The following LINGO2 variants were observed in gnomAD, a reference collection of about 807,000 sequenced individuals.
The protein encoded by LINGO2 is leucine-rich repeat and immunoglobulin-like domain-containing nogo receptor-interacting protein 2.
A neutral mutation model predicts 30.6 loss-of-function variants in LINGO2; 14 were observed. The ratio of observed to expected loss-of-function variants is 0.46; its 90% confidence interval spans 0.30 to 0.72. The LOEUF (loss-of-function observed/expected upper bound fraction) is 0.72, where lower values mean the gene tolerates loss of function less well. Among genes scored for constraint, LINGO2 ranks in the 30% least tolerant of loss-of-function variants. The pLI is 0.07. For synonymous variants in LINGO2, 317 were observed against 288.5 expected (o/e 1.10, Z -1.00); for missense variants, 729 against 751.7 (o/e 0.97, Z 0.35).
chr9:27,954,970 G>A (rs1197163704), intron 5 of LINGO2, among the ~76,000 whole-genome samples: 1 of 152,112 alleles, frequency 6.6e-6, no homozygotes, highest in East Asian at 1.9e-4. Context: ...ATCTCTCAAT[G>A]TGGTTTTGAT....
chr9:28,190,679 A>G (rs1327781360), intron 4 of LINGO2, among the ~76,000 whole-genome samples: 1 of 152,104 alleles, frequency 6.6e-6, no homozygotes, highest in African/African-American at 2.4e-5. Context: ...TTAAATTTCT[A>G]TTGTTTATAA....
chr9:28,440,297 A>C (rs1317977171), intron 2 of LINGO2, among the ~76,000 whole-genome samples: 1 of 152,210 alleles, frequency 6.6e-6, no homozygotes, highest in African/African-American at 2.4e-5. Flanking sequence ...AATATTTCAT[A>C]AGTCAAATGT....
intron 2 of LINGO2, among the ~76,000 whole-genome samples, chr9:28,469,694 C>A (rs1825445913): frequency 6.6e-6 from 1 of 152,008 alleles, no homozygotes; most frequent in African/African-American, 2.4e-5. Flanking sequence ...AGAAAAAAAC[C>A]TGTCAATCTA....
In LINGO2 at chr9:28,329,413, T is replaced by A. The variant is rs1825340969; in HGVS notation, c.-245-34047A>T. ...GGCTTAACTTGAGGGCTTGGGCTAA[T>A]AAGGTAGGGGCACACACCACGCTGT... On this transcript the variant is annotated intron_variant, in intron 3 of 5. Transcript: ENST00000379992. The surrounding 1 kb of genome is among the most constrained non-coding windows in gnomAD (Gnocchi z 4.5). 6.6e-6 allele frequency among the ~76,000 whole-genome samples: 1 copy of A among 152,130 alleles called. No individual in the cohort carries two copies. The highest frequency in any genetic ancestry group is 2.4e-5 in the African/African-American group (1 of 41,432).
At chr9:27,975,304 G>T (rs1292109926) in intron 5 of LINGO2, among the ~76,000 whole-genome samples, 1 of 151,756 alleles carries the variant, frequency 6.6e-6, no homozygotes, top group East Asian at 1.9e-4. Context: ...CTTTTTAAAA[G>T]TCCCTACTAT....
At chr9:28,707,949 C>T in the LINGO2 span, among the ~76,000 whole-genome samples, 1 of 152,052 alleles carries the variant, frequency 6.6e-6, no homozygotes, top group East Asian at 1.9e-4. Flanking sequence ...AGTGAAATTA[C>T]ACTGAACTCA....
At chr9:28,587,933 C>A (rs1485103269) in intron 1 of LINGO2, among the ~76,000 whole-genome samples, 3 of 151,962 alleles carry the variant, frequency 2.0e-5, no homozygotes, top group Non-Finnish European at 1.5e-5. Context: ...GTCCTGTGGA[C>A]ACCGAGTTGG....
chr9:28,341,094 C>G (rs1438637984), intron 3 of LINGO2, among the ~76,000 whole-genome samples: 1 of 151,920 alleles, frequency 6.6e-6, no homozygotes, highest in Non-Finnish European at 1.5e-5. Context: ...GTTTAATGAA[C>G]AAAGAAAGTT....
intron 2 of LINGO2, among the ~76,000 whole-genome samples, chr9:28,427,211 T>C (rs1543672): frequency 0.13 from 19,299 of 151,990 alleles, 1,427 homozygotes; most frequent in East Asian, 0.24. Context: ...CAAGAAGACA[T>C]AGTCTAGAGG....
intron 4 of LINGO2, among the ~76,000 whole-genome samples, chr9:28,157,766 G>T (rs1828175017): frequency 1.3e-5 from 2 of 152,124 alleles, no homozygotes; most frequent in Non-Finnish European, 2.9e-5. Context: ...TCAAGTTCAA[G>T]TTCCACAACT....
chr9:28,396,814 C>A (rs1016751732), intron 2 of LINGO2, among the ~76,000 whole-genome samples: 1 of 151,308 alleles, frequency 6.6e-6, no homozygotes, highest in Non-Finnish European at 1.5e-5. Context: ...GAGAAACTAC[C>A]TTGAGGTTTT....
chr9:29,131,020 C>T, the LINGO2 span, among the ~76,000 whole-genome samples: 4 of 152,116 alleles, frequency 2.6e-5, no homozygotes, highest in African/African-American at 9.7e-5. Flanking sequence ...TAATGCCTAC[C>T]AACTTTCCTT....
the LINGO2 span, among the ~76,000 whole-genome samples, chr9:28,756,561 G>T: frequency 0.015 from 2,204 of 151,922 alleles, 74 homozygotes; most frequent in African/African-American, 0.05. Flanking sequence ...ATATTGTTTG[G>T]CTCGGTGTCC....
At chr9:29,089,108 T>A in the LINGO2 span, among the ~76,000 whole-genome samples, 2 of 151,992 alleles carry the variant, frequency 1.3e-5, no homozygotes, top group African/African-American at 4.8e-5. Context: ...TCAAAAGTAT[T>A]CATAAAGCAA....
chr9:29,167,631 A>T, the LINGO2 span, among the ~76,000 whole-genome samples: 2 of 152,144 alleles, frequency 1.3e-5, no homozygotes, highest in Non-Finnish European at 2.9e-5. Flanking sequence ...AAACAAAACA[A>T]AAACCTGTCA....
chr9:28,848,094 C>A, the LINGO2 span, among the ~76,000 whole-genome samples: 1 of 32,568 alleles, frequency 3.1e-5, no homozygotes, highest in Non-Finnish European at 5.9e-5. Flanking sequence ...ACTATATATA[C>A]GCATAGTGTA....
chr9:28,646,400 G>T (rs12346871), intron 1 of LINGO2, among the ~76,000 whole-genome samples: 16,137 of 152,096 alleles, frequency 0.11, 984 homozygotes, highest in African/African-American at 0.15. Flanking sequence ...AGCACGGTCA[G>T]TGAGTCTGGA....
chr9:28,004,212 A>G (rs1204373009), intron 5 of LINGO2, among the ~76,000 whole-genome samples: 3 of 151,966 alleles, frequency 2.0e-5, no homozygotes, highest in Non-Finnish European at 4.4e-5. Context: ...ATAACAATTA[A>G]TCATTTCCCA....
At chr9:29,047,051 A>AAAAAAACAAAAAAAAAC in the LINGO2 span, among the ~76,000 whole-genome samples, 1 of 106,906 alleles carries the variant, frequency 9.4e-6, no homozygotes, top group African/African-American at 3.3e-5. Flanking sequence ...AAAAAAAAAA[A>AAAAAAACAAAAAAAAAC]CCAAAAACAA....
Sources: gnomAD v4.1 joint callset for allele counts (sites outside exome capture counted in the v4.1 genomes callset) on GRCh38, gnomAD v4.1.1 for gene constraint, Gnocchi (gnomAD v3.1) non-coding constraint, MANE v1.5 for transcripts, NCBI Gene and HGNC (gene_info 2026-07-23, HGNC 2026-07-21) for gene names.